The following SPTBN1 variants were observed in gnomAD, a reference collection of about 807,000 sequenced individuals.
SPTBN1 encodes the protein spectrin beta chain, non-erythrocytic 1.
In SPTBN1, 32 loss-of-function variants were observed where a neutral mutation model predicts 266.4. The ratio of observed to expected loss-of-function variants is 0.12; its 90% CI spans 0.09 to 0.16. The LOEUF is 0.16. SPTBN1 is among the 10% of genes least tolerant of loss of function. The probability of loss-of-function intolerance (pLI) is 1.00; values close to 1 mark genes in which losing one functional copy is unlikely to be tolerated. For synonymous variants in SPTBN1, 1,336 were observed against 1,162.2 expected, an observed-to-expected ratio of 1.15 and a Z score of -3.04; for missense variants, 2,296 against 3,067.1, an observed-to-expected ratio of 0.75 and a Z score of 5.94.
intron 32 of SPTBN1, chr2:54,661,222 A>G (rs780535695): frequency 3.7e-4 from 368 of 985,708 alleles, no homozygotes; most frequent in Non-Finnish European, 4.3e-4. Flanking sequence ...AAATGTTTTC[A>G]CAAAAATCCT....
chr2:54,649,155 T>C lies in SPTBN1; in HGVS notation c.5167T>C (p.Ser1723Pro), dbSNP rs746585947. 6.2e-7 allele frequency: 1 copy of C among 1,609,930 alleles called. No homozygotes were observed. Among genetic ancestry groups the C allele is most frequent in the Admixed American group, 1.7e-5 (1 of 59,904 alleles). The stretch of plus-strand genomic sequence containing the variant: ...CGCTGAGAGGGAGGTGGTCGCAGGG[T>C]CCCATGAACTGGGACAGGACTATGA... ...WIAEREVVAG[S>P]HELGQDYEHV... Residue 1723 changes from serine to proline, a missense_variant, in exon 25 of 36, where the codon TCC becomes CCC. Ser to Pro is a moderately conservative substitution (Grantham distance 74). Around this residue, in one of 12 missense-constraint regions of SPTBN1, gnomAD observed 644 missense variants for 745.3 expected, o/e 0.86. Transcript: ENST00000356805. The surrounding 1 kb of genome is among the most constrained non-coding windows in gnomAD (Gnocchi z 6.7).
At chr2:54,488,028 A>G (rs1668500525) in intron 1 of SPTBN1, among the ~76,000 whole-genome samples, 1 of 151,526 alleles carries the variant, frequency 6.6e-6, no homozygotes, top group Non-Finnish European at 1.5e-5. Flanking sequence ...ACGGGGTTTC[A>G]CTGTGTTGGC....
chr2:54,632,417 T>C (rs1026005670), intron 16 of SPTBN1, 149 bp from the exon 17 acceptor site: 1 of 905,810 alleles, frequency 1.1e-6, no homozygotes, highest in African/African-American at 1.7e-5. Context: ...TGGGTTTTTT[T>C]CCTCCTAACT....
At chr2:54,561,065 T>C (rs1174554780) in intron 2 of SPTBN1, among the ~76,000 whole-genome samples, 1 of 152,250 alleles carries the variant, frequency 6.6e-6, no homozygotes, top group Non-Finnish European at 1.5e-5. Context: ...GGGTGCCTTT[T>C]TTTACTCTTC....
At chr2:54,491,583 T>A (rs1362565476) in intron 1 of SPTBN1, among the ~76,000 whole-genome samples, 1 of 152,184 alleles carries the variant, frequency 6.6e-6, no homozygotes, top group Non-Finnish European at 1.5e-5. Context: ...TTTTAAGTAA[T>A]TTACTTCTAA....
Position 54,599,208 on chromosome 2 carries a change from A to C in SPTBN1, c.265A>C (p.Ile89Leu). 1 of 1,614,196 alleles carries C rather than the reference A, an allele frequency of 6.2e-7. No individual in the cohort carries two copies. ...TGACCTTCGAGATGGACGGATGCTCATCAAGCTGCTGGAGGTCCTCTCTGG... is the reference window on the plus strand; with the variant it reads ...TGACCTTCGAGATGGACGGATGCTCCTCAAGCTGCTGGAGGTCCTCTCTGG... ...YTDLRDGRMLIKLLEVLSGER... is the reference protein window; with the variant it reads ...YTDLRDGRMLLKLLEVLSGER... Residue 89 changes from isoleucine to leucine, a missense_variant, in exon 3 of 36, where the codon ATC becomes CTC. This residue lies in a region of SPTBN1 where 178 missense variants were observed against 375.7 expected (regional missense o/e 0.47). Transcript: ENST00000356805.
In SPTBN1 at chr2:54,646,459, C is replaced by A; in HGVS notation, c.4850C>A (p.Ser1617Ter). The change falls in exon 23 of 36, where the codon TCA (serine) becomes TAA (stop). Residue 1617 changes from serine (S) to a stop codon, truncating the protein, a stop_gained. Transcript: ENST00000356805. LOFTEE classifies it high-confidence loss of function. The surrounding 1 kb of genome is among the most constrained non-coding windows in gnomAD (Gnocchi z 4.4). ...AGCGAGCAGGAGCTGTACATGATGT[C>A]AGAGGAGAAGGCCAAGGTGAGAGGA... is the stretch of plus-strand genomic sequence containing the variant. ...WMSEQELYMM[S>*]EEKAKDEQSA... The A allele has an allele frequency of 6.5e-7, 1 of 1,537,560 alleles. No homozygotes were observed. Among genetic ancestry groups the A allele is most frequent in the Admixed American group, 2.1e-5 (1 of 47,932 alleles).
At position 54,486,461 on chromosome 2, in the gene SPTBN1, CAG is replaced by C. The variant is rs967521155; in HGVS notation, c.-48+29944_-48+29945del. ...CTCTGAACCATGTGCTGTGTCCACT[CAG>C]GGGTCAATGGATTAAGGGCGGTGCA... is the stretch of plus-strand genomic sequence containing the variant. On this transcript the variant is annotated intron_variant, in intron 1 of 35. Coordinates refer to ENST00000356805, the MANE Select transcript of SPTBN1 (RefSeq NM_003128.3). Among the ~76,000 whole-genome samples, 9 of 152,146 alleles carry C rather than the reference CAG, an allele frequency of 5.9e-5. No individual in the cohort carries two copies. The South Asian group carries it at 1.2e-3, about 21-fold the overall frequency.
chr2:54,513,935 T>G (rs1669982936), intron 1 of SPTBN1, among the ~76,000 whole-genome samples: 1 of 152,204 alleles, frequency 6.6e-6, no homozygotes, highest in South Asian at 2.1e-4. Flanking sequence ...CTTTCAATAT[T>G]CAGCTGATTT....
chr2:54,649,633 C>T lies in SPTBN1; in HGVS notation c.5221C>T (p.Arg1741Trp), dbSNP rs750537630. The change falls in exon 26 of 36, where the codon CGG becomes TGG. Residue 1741 changes from arginine to tryptophan, a missense_variant. Arg to Trp is a moderately radical substitution (Grantham distance 101). Coordinates refer to ENST00000356805, the MANE Select transcript of SPTBN1 (RefSeq NM_003128.3). This position sits in a 1 kb window ranked among gnomAD's most constrained non-coding sequence, Gnocchi z 6.7. The part of the protein sequence containing the change: ...EHVTMLQERF[R>W]EFARDTGNIG... ...GTTTCAGATGTTACAAGAACGATTCCGGGAGTTTGCCCGAGACACCGGGAA... is the reference window on the plus strand; with the variant it reads ...GTTTCAGATGTTACAAGAACGATTCTGGGAGTTTGCCCGAGACACCGGGAA... 1.3e-5 allele frequency: 21 copies of T among 1,609,434 alleles called. No homozygotes were observed. In the East Asian group the frequency reaches 1.6e-4, roughly 12 times the overall value.
chr2:54,567,060 C>G (rs1305232612), intron 2 of SPTBN1, among the ~76,000 whole-genome samples: 1 of 152,180 alleles, frequency 6.6e-6, no homozygotes, highest in Non-Finnish European at 1.5e-5. Flanking sequence ...CAGCTGTCGT[C>G]TGGTTAAAAA....
At chr2:54,490,796 T>G (rs1668645651) in intron 1 of SPTBN1, among the ~76,000 whole-genome samples, 1 of 151,922 alleles carries the variant, frequency 6.6e-6, no homozygotes, top group African/African-American at 2.4e-5. Flanking sequence ...GTTGGAAAGA[T>G]TAAGGTGTGG....
intron 2 of SPTBN1, among the ~76,000 whole-genome samples, chr2:54,546,163 A>G (rs1197133177): frequency 1.3e-5 from 2 of 152,284 alleles, no homozygotes; most frequent in African/African-American, 4.8e-5. Context: ...CGTGATCTCT[A>G]ATAGGCCAAC....
chr2:54,661,832 C>A (rs1232382830), intron 32 of SPTBN1: 1 of 985,284 alleles, frequency 1.0e-6, no homozygotes, highest in Non-Finnish European at 1.2e-6. Flanking sequence ...AAAGGAACCA[C>A]ATAAGCACAC....
chr2:54,646,525 A>T lies in SPTBN1; in HGVS notation c.4866+50A>T. The T allele has an allele frequency of 1.4e-6, 2 of 1,439,516 alleles. No individual in the cohort carries two copies. Among genetic ancestry groups the T allele is most frequent in the Non-Finnish European group, 1.8e-6 (2 of 1,096,030 alleles). 89.2% of individuals were successfully genotyped at this position (1,439,516 alleles called of 1,614,324 possible). A position where few individuals can be genotyped will look rare whatever the true frequency, so the allele number is the denominator to read the frequency against. On this transcript the variant is annotated intron_variant, in intron 23 of 35. Coordinates refer to ENST00000356805, the MANE Select transcript of SPTBN1 (RefSeq NM_003128.3). The surrounding 1 kb of genome is among the most constrained non-coding windows in gnomAD (Gnocchi z 4.4). Reference sequence around the variant, plus strand: ...TGTCCCAGGAGAGCCTCAGATTCAAACCCTGGGCACACTTTCTGCTGGCGG... The same window carrying T: ...TGTCCCAGGAGAGCCTCAGATTCAATCCCTGGGCACACTTTCTGCTGGCGG...
chr2:54,508,474 G>A (rs6746379), intron 1 of SPTBN1, among the ~76,000 whole-genome samples: 7,961 of 152,250 alleles, frequency 0.052, 659 homozygotes, highest in African/African-American at 0.18. Flanking sequence ...ATTTCCTTGA[G>A]GATAGATTTT....
rs750234037 is a variant in SPTBN1, at chr2:54,570,490, A to G, written c.149-28602A>G. On this transcript the variant is annotated intron_variant, in intron 2 of 35. Transcript: ENST00000356805. ...ATACAAAGTCTGGAGGCTCTGTTCT[A>G]CGCTGGTGGCAAGGAAATTACATAG... Among the ~76,000 whole-genome samples the G allele has an allele frequency of 3.9e-5, 6 of 152,204 alleles. 1 individual carries two copies. The highest frequency in any genetic ancestry group is 1.3e-4 in the Admixed American group (2 of 15,280).
At chr2:54,598,339 G>C (rs535350344) in intron 2 of SPTBN1, among the ~76,000 whole-genome samples, 33 of 152,306 alleles carry the variant, frequency 2.2e-4, no homozygotes, top group Admixed American at 3.9e-4. Flanking sequence ...TTATAGAAGA[G>C]AACATTGAAT....
chr2:54,503,085 T>A (rs948646945), intron 1 of SPTBN1, among the ~76,000 whole-genome samples: 2 of 152,238 alleles, frequency 1.3e-5, no homozygotes, highest in African/African-American at 2.4e-5. Context: ...AGTTTGGTGA[T>A]CCCTGTGTTT....
Sources: allele counts gnomAD v4.1 joint callset (sites outside exome capture counted in the v4.1 genomes callset), GRCh38; gene constraint gnomAD v4.1.1; regional missense constraint gnomAD v4.1.1; non-coding constraint Gnocchi (gnomAD v3.1); transcripts MANE v1.5; gene names NCBI Gene and HGNC (gene_info 2026-07-23, HGNC 2026-07-21).